Variants in MNT observed in about 807,000 individuals in gnomAD.
MNT encodes the protein MAX network transcriptional repressor.
A neutral mutation model predicts 40.7 loss-of-function variants in MNT; 13 were observed. The observed-to-expected ratio is 0.32, with a 90% CI of 0.21 to 0.51. The LOEUF (loss-of-function observed/expected upper bound fraction) is 0.51. Ranked by LOEUF, MNT falls within the 20% of genes least tolerant of loss-of-function variation. The pLI is 0.98. For synonymous variants in MNT, 426 were observed against 354.8 expected (o/e 1.20, Z -2.26); for missense variants, 757 against 792.0 (o/e 0.96, Z 0.53).
intron 1 of MNT, among the ~76,000 whole-genome samples, chr17:2,397,078 G>A (rs1477626315): frequency 6.6e-6 from 1 of 152,186 alleles, no homozygotes; most frequent in Non-Finnish European, 1.5e-5. Flanking sequence ...GTCCTGGGAG[G>A]GGAAGCCTCA....
Position 2,387,304 on chromosome 17 carries a change from G to A in MNT, c.1346C>T (p.Ala449Val), listed in dbSNP as rs1445464942. Residue 449 changes from alanine (A) to valine (V), a missense_variant, in exon 6 of 6, where the codon GCT becomes GTT. Ala to Val is a moderately conservative substitution (Grantham distance 64). Coordinates refer to ENST00000174618, the MANE Select transcript of MNT (RefSeq NM_020310.3). Reference sequence around the variant, plus strand: ...GTGGTTCACAGTCTGGATGACTGAAGCGTGAGTGGTGGCTGTGTGGGCGAT... The same window carrying A: ...GTGGTTCACAGTCTGGATGACTGAAACGTGAGTGGTGGCTGTGTGGGCGAT... ...TVIAHTATTHASVIQTVNHVL... is the reference protein window; with the variant it reads ...TVIAHTATTHVSVIQTVNHVL... 6.2e-7 allele frequency: 1 copy of A among 1,613,466 alleles called. No homozygotes were observed. The highest frequency in any genetic ancestry group is 8.5e-7 in the Non-Finnish European group (1 of 1,179,844).
Position 2,387,048 on chromosome 17 carries a change from G to A in MNT, c.1602C>T (p.Gly534=). Residue 534 remains glycine (G), a synonymous_variant, in exon 6 of 6, where the codon GGC becomes GGT. Coordinates refer to ENST00000174618, the MANE Select transcript of MNT (RefSeq NM_020310.3). ...LSHQQVNGTA[G]LGPPATVMAK... is the part of the protein sequence containing the mutation. Reference sequence around the variant, plus strand: ...CCATGACAGTAGCCGGGGGCCCCAGGCCGGCCGTGCCGTTGACTTGCTGGT... The same window carrying A: ...CCATGACAGTAGCCGGGGGCCCCAGACCGGCCGTGCCGTTGACTTGCTGGT... The A allele has an allele frequency of 2.6e-6, 4 of 1,555,652 alleles. No homozygotes were observed. Among genetic ancestry groups the A allele is most frequent in the Non-Finnish European group, 3.5e-6 (4 of 1,149,490 alleles).
chr17:2,397,297 C>T (rs569747976), intron 1 of MNT, among the ~76,000 whole-genome samples: 1 of 152,286 alleles, frequency 6.6e-6, no homozygotes, highest in East Asian at 1.9e-4. Context: ...GTTCCAGTGA[C>T]AGGGCCCTTC....
chr17:2,393,031 CCT>C (rs922008243), intron 4 of MNT, among the ~76,000 whole-genome samples: 6 of 152,086 alleles, frequency 3.9e-5, no homozygotes, highest in African/African-American at 7.2e-5. Context: ...GCGGCTGGCT[CCT>C]CGCGCGCTGG....
intron 4 of MNT, among the ~76,000 whole-genome samples, chr17:2,393,587 G>C (rs2151669662): frequency 6.6e-6 from 1 of 152,334 alleles, no homozygotes; most frequent in East Asian, 1.9e-4. Context: ...CCGCGCCGCA[G>C]CGTGGACGGG....
chr17:2,392,724 T>G (rs950988271), intron 4 of MNT: 1 of 151,736 alleles, frequency 6.6e-6, no homozygotes, highest in African/African-American at 2.4e-5. Context: ...CTTCCCTGCG[T>G]CACCCTCGCC....
intron 4 of MNT, chr17:2,391,879 C>G (rs1044184399): frequency 2.0e-5 from 3 of 152,246 alleles, no homozygotes; most frequent in Non-Finnish European, 2.9e-5. Flanking sequence ...CTCAAGCGCT[C>G]TTACTGCCTT....
intron 4 of MNT, chr17:2,393,760 C>T (rs1671095422): frequency 5.7e-6 from 1 of 174,928 alleles, no homozygotes; most frequent in African/African-American, 2.4e-5. Context: ...GGGACTCGCA[C>T]CAGGCGTCAC....
Position 2,384,705 on chromosome 17 carries a change from G to T in MNT, c.*2196C>A, listed in dbSNP as rs1242428705. ...ACAGATGTGGTCCCGACAGCACTCT[G>T]GGGGAGACGCCCAAGGAAGGGCTGG... On this transcript the variant is annotated 3_prime_UTR_variant, in exon 6 of 6. Coordinates refer to ENST00000174618, the MANE Select transcript of MNT (RefSeq NM_020310.3). 6.6e-6 allele frequency: 1 copy of T among 152,566 alleles called. No individual in the cohort carries two copies. The highest frequency in any genetic ancestry group is 1.5e-5 in the Non-Finnish European group (1 of 68,084). The allele number at this position is 152,566 out of a possible 1,614,324, so 9.5% of individuals were successfully genotyped here.
intron 4 of MNT, chr17:2,388,359 C>CCT: frequency 2.9e-6 from 1 of 349,136 alleles, no homozygotes; most frequent in African/African-American, 2.1e-5. Flanking sequence ...CCCCATCCCT[C>CCT]CTCCAGCAGC....
chr17:2,400,580 G>C (rs2066608065), intron 1 of MNT, 60 bp downstream of exon 1: 1 of 1,502,216 alleles, frequency 6.7e-7, no homozygotes. Context: ...GTGGGTTCGG[G>C]GACCGGGGTC....
intron 1 of MNT, among the ~76,000 whole-genome samples, chr17:2,399,903 G>T (rs2066602950): frequency 3.9e-5 from 6 of 152,212 alleles, no homozygotes; most frequent in Admixed American, 3.3e-4. Flanking sequence ...GACCCCCAGC[G>T]ACCCGCGGGC....
intron 1 of MNT, among the ~76,000 whole-genome samples, chr17:2,398,020 T>C (rs142662193): frequency 7.9e-5 from 12 of 152,352 alleles, no homozygotes; most frequent in Non-Finnish European, 1.6e-4. Context: ...CCCAAGTGAC[T>C]GTGGCCCAGG....
intron 1 of MNT, among the ~76,000 whole-genome samples, chr17:2,397,497 A>C (rs1305688051): frequency 6.6e-6 from 1 of 152,134 alleles, no homozygotes; most frequent in Admixed American, 6.5e-5. Context: ...CCTGAGTCAC[A>C]AGGACATGTG....
chr17:2,387,867 G>A lies in MNT; in HGVS notation c.990C>T (p.Ser330=), dbSNP rs769309534. ...GGGGCTGGGGCTCACCAGAGGCGGT[G>A]GAGGTGGAGGCCTGGTCATCCTCGG... ...GQPEDDQAST[S]TASEGEDNID... is the part of the protein sequence containing the mutation. Residue 330 remains serine, a synonymous_variant, in exon 5 of 6, where the codon TCC becomes TCT. Coordinates refer to ENST00000174618, the MANE Select transcript of MNT (RefSeq NM_020310.3). The A allele has an allele frequency of 1.6e-5, 26 of 1,598,690 alleles. No homozygotes were observed. The South Asian group carries it at 2.8e-4, about 17-fold the overall frequency.
intron 4 of MNT, chr17:2,392,027 C>CA (rs1219427776): frequency 2.6e-5 from 4 of 152,344 alleles, no homozygotes; most frequent in Non-Finnish European, 5.9e-5. Context: ...CTCCGTGCCA[C>CA]CCAGACTTAT....
rs1362590898 is a variant in MNT, at chr17:2,400,908, T to C, written c.-196A>G. ...AATGTCTCTCAAAATATTTGCAAAATATAAAATTGCAAATTTAAAAAAATG... is the reference window on the plus strand; with the variant it reads ...AATGTCTCTCAAAATATTTGCAAAACATAAAATTGCAAATTTAAAAAAATG... On this transcript the variant is annotated 5_prime_UTR_variant, in exon 1 of 6. In the 5' UTR this introduces an upstream ATG that the reference lacks. Transcript: ENST00000174618. The C allele has an allele frequency of 1.6e-5, 6 of 375,010 alleles. No homozygotes were observed. The highest frequency in any genetic ancestry group is 2.8e-5 in the Non-Finnish European group (6 of 213,952). The allele number at this position is 375,010 out of a possible 1,614,324, so 23.2% of individuals were successfully genotyped here. A position where few individuals can be genotyped will look rare whatever the true frequency, so the allele number is the denominator to read the frequency against.
At chr17:2,393,169 A>G in intron 4 of MNT, among the ~76,000 whole-genome samples, 1 of 49,582 alleles carries the variant, frequency 2.0e-5, no homozygotes, top group Non-Finnish European at 5.0e-5. Flanking sequence ...TGGGAGCCCC[A>G]CGTCCCTCCA....
chr17:2,395,033 A>C lies in MNT; in HGVS notation c.495T>G (p.Pro165=). 6.3e-7 allele frequency: 1 copy of C among 1,590,376 alleles called. No individual in the cohort carries two copies. The stretch of plus-strand genomic sequence containing the variant: ...GGACAGGCGTGGGGAGGGGCTGCAA[A>C]GGCTTGGGGCTGCCATTGGGTGGAA... ...ATIPPNGSPK[P]LQPLPTPVLT... Residue 165 remains proline, a synonymous_variant, in exon 2 of 6, where the codon CCT becomes CCG. Transcript: ENST00000174618.
Sources: allele counts gnomAD v4.1 joint callset (sites outside exome capture counted in the v4.1 genomes callset), GRCh38; gene constraint gnomAD v4.1.1; transcripts MANE v1.5; gene names NCBI Gene and HGNC (gene_info 2026-07-23, HGNC 2026-07-21).